GRID1: variants seen among roughly 807,000 people sequenced by gnomAD.
The protein encoded by GRID1 is glutamate receptor ionotropic, delta-1.
A neutral mutation model predicts 98.0 loss-of-function variants in GRID1; 28 were observed. That is an observed-to-expected ratio of 0.29 (90% CI 0.21 to 0.39). The LOEUF (loss-of-function observed/expected upper bound fraction) is 0.39, where lower values mean the gene tolerates loss of function less well. Ranked by LOEUF, GRID1 falls within the 10% of genes least tolerant of loss-of-function variation. The probability of loss-of-function intolerance (pLI) is 1.00; values close to 1 mark genes in which losing one functional copy is unlikely to be tolerated. For missense variants in GRID1, 1,111 were observed against 1,340.5 expected, an observed-to-expected ratio of 0.83 and a Z score of 2.67; for synonymous variants, 553 against 538.5, an observed-to-expected ratio of 1.03 and a Z score of -0.37.
intron 1 of GRID1, among the ~76,000 whole-genome samples, chr10:86,364,830 G>C (rs1199579775): frequency 6.6e-6 from 1 of 152,256 alleles, no homozygotes; most frequent in Admixed American, 6.5e-5. Flanking sequence ...CCCAGAAGGA[G>C]CTGCTCTTGA....
chr10:85,944,838 G>C (rs1448416924), intron 4 of GRID1, among the ~76,000 whole-genome samples: 2 of 151,582 alleles, frequency 1.3e-5, no homozygotes, highest in African/African-American at 4.8e-5. Flanking sequence ...TTTTAAGTAA[G>C]TTACAACGTA....
chr10:85,698,418 A>T (rs952161411), intron 12 of GRID1, among the ~76,000 whole-genome samples: 1 of 152,140 alleles, frequency 6.6e-6, no homozygotes, highest in African/African-American at 2.4e-5. Flanking sequence ...ATCCATACAT[A>T]TTTCTGTTTA....
Position 86,170,047 on chromosome 10 carries a change from G to A in GRID1, c.521-31023C>T, listed in dbSNP as rs908529560. ...GGACTCTCAGAAGACAGGCCTTTCC[G>A]CCCATCCTTAATGAAAAGCATTATC... On this transcript the variant is annotated intron_variant, in intron 3 of 15. Transcript: ENST00000327946. Among the ~76,000 whole-genome samples the A allele has an allele frequency of 4.6e-5, 7 of 152,152 alleles. 1 individual carries two copies. Among genetic ancestry groups the A allele is most frequent in the African/African-American group, 7.2e-5 (3 of 41,428 alleles).
intron 2 of GRID1, among the ~76,000 whole-genome samples, chr10:86,231,730 G>C (rs1163553068): frequency 6.6e-6 from 1 of 152,186 alleles, no homozygotes; most frequent in Non-Finnish European, 1.5e-5. Flanking sequence ...CACCACAGGA[G>C]TCATTAGACA....
At chr10:85,604,472 T>C (rs1009107965) in intron 15 of GRID1, among the ~76,000 whole-genome samples, 2 of 152,136 alleles carry the variant, frequency 1.3e-5, no homozygotes, top group Non-Finnish European at 2.9e-5. Context: ...ACTTCAGTGA[T>C]CTGAAGCCCA....
At chr10:85,854,402 T>A in intron 8 of GRID1, 94 bp downstream of exon 8, 1 of 1,117,308 alleles carries the variant, frequency 9.0e-7, no homozygotes, top group Non-Finnish European at 1.3e-6. Context: ...CTGTGCTAGT[T>A]AACAGTTGCT....
chr10:86,318,331 T>A lies in GRID1; in HGVS notation c.235+45610A>T, dbSNP rs558584457. On this transcript the variant is annotated intron_variant, in intron 2 of 15. Transcript: ENST00000327946. ...ATCGCATGTAACTCAGACCTAGTCATGGCCACTGCTGCCACACAGAAGCCA... is the reference window on the plus strand; with the variant it reads ...ATCGCATGTAACTCAGACCTAGTCAAGGCCACTGCTGCCACACAGAAGCCA... Among the ~76,000 whole-genome samples the A allele has an allele frequency of 4.8e-4, 73 of 152,348 alleles. 1 individual carries two copies. Among genetic ancestry groups the A allele is most frequent in the African/African-American group, 1.7e-3 (70 of 41,590 alleles).
Position 86,257,184 on chromosome 10 carries a change from T to A in GRID1, c.236-50536A>T, listed in dbSNP as rs1051084601. Reference sequence around the variant, plus strand: ...CGCAGAGTTGGATTTCAATGAGGTATTCACACAGTCCTCTCTGAGGTGGGC... The same window carrying A: ...CGCAGAGTTGGATTTCAATGAGGTAATCACACAGTCCTCTCTGAGGTGGGC... On this transcript the variant is annotated intron_variant, in intron 2 of 15. Coordinates refer to ENST00000327946, the MANE Select transcript of GRID1 (RefSeq NM_017551.3). Among the ~76,000 whole-genome samples, 4 of 152,246 alleles carry A rather than the reference T, an allele frequency of 2.6e-5. No individual in the cohort carries two copies. In the East Asian group the frequency reaches 7.7e-4, roughly 29 times the overall value.
At chr10:86,248,384 A>G (rs1177019062) in intron 2 of GRID1, among the ~76,000 whole-genome samples, 1 of 152,170 alleles carries the variant, frequency 6.6e-6, no homozygotes, top group Non-Finnish European at 1.5e-5. Flanking sequence ...GGGAGGGCGG[A>G]GGGATTGCAA....
chr10:85,715,526 A>C (rs1005284082), intron 12 of GRID1, among the ~76,000 whole-genome samples: 2 of 152,146 alleles, frequency 1.3e-5, no homozygotes, highest in Non-Finnish European at 2.9e-5. Context: ...CAAAACAAAT[A>C]GTTTAATTTA....
In GRID1 at chr10:86,242,201, G is replaced by T. The variant is rs147955899; in HGVS notation, c.236-35553C>A. ...ACTGAGCCTTTTGAAGGCAGAGCAA[G>T]ATTTACCAAGGAAAGAATAAGGTCA... On this transcript the variant is annotated intron_variant, in intron 2 of 15. Transcript: ENST00000327946. Among the ~76,000 whole-genome samples the T allele has an allele frequency of 4.7e-3, 710 of 152,346 alleles. 3 individuals are homozygous for T. Among genetic ancestry groups the T allele is most frequent in the Middle Eastern group, 0.02 (6 of 294 alleles).
intron 3 of GRID1, among the ~76,000 whole-genome samples, chr10:86,196,337 T>C (rs1001162356): frequency 5.9e-5 from 9 of 152,036 alleles, no homozygotes; most frequent in African/African-American, 1.4e-4. Context: ...AGCATTGTCC[T>C]GGGTACTGCG....
In GRID1 at chr10:86,283,260, C is replaced by T. The variant is rs377639917; in HGVS notation, c.236-76612G>A. 3.1e-4 allele frequency among the ~76,000 whole-genome samples: 47 copies of T among 152,330 alleles called. No individual in the cohort carries two copies. In the South Asian group the frequency reaches 8.1e-3, roughly 26 times the overall value. The stretch of plus-strand genomic sequence containing the variant: ...AGACTCTCCTCTGGAAAAGCCCAGC[C>T]CCCACACTATCCCTTCCTCTGTGCT... On this transcript the variant is annotated intron_variant, in intron 2 of 15. Coordinates refer to ENST00000327946, the MANE Select transcript of GRID1 (RefSeq NM_017551.3).
At chr10:85,727,820 G>T (rs373225787) in intron 10 of GRID1, 35 bp downstream of exon 10, 25 of 1,509,424 alleles carry the variant, frequency 1.7e-5, no homozygotes, top group South Asian at 1.5e-4. Flanking sequence ...GAAGACTAGG[G>T]TGCCCCTCCC....
intron 8 of GRID1, among the ~76,000 whole-genome samples, chr10:85,754,783 CT>C (rs374243526): frequency 1.3e-5 from 2 of 152,274 alleles, no homozygotes; most frequent in African/African-American, 4.8e-5. Flanking sequence ...AGTTCCTCCC[CT>C]TGCAGACTGT....
At chr10:86,196,028 G>A (rs1014711039) in intron 3 of GRID1, among the ~76,000 whole-genome samples, 5 of 152,040 alleles carry the variant, frequency 3.3e-5, no homozygotes, top group Admixed American at 6.6e-5. Context: ...ATCAGAAGAG[G>A]AAAACCCTAT....
At chr10:86,194,535 G>A (rs1845847006) in intron 3 of GRID1, among the ~76,000 whole-genome samples, 1 of 152,166 alleles carries the variant, frequency 6.6e-6, no homozygotes, top group African/African-American at 2.4e-5. Flanking sequence ...AGATAGGTGG[G>A]AGAGGGAGAA....
At chr10:86,269,917 G>A (rs11201960) in intron 2 of GRID1, among the ~76,000 whole-genome samples, 34,245 of 152,058 alleles carry the variant, frequency 0.23, 4,381 homozygotes, top group African/African-American at 0.35. Context: ...ACCCCCTGTA[G>A]GGAAGGGGTC....
intron 13 of GRID1, among the ~76,000 whole-genome samples, chr10:85,632,788 A>G (rs1025286887): frequency 6.6e-6 from 1 of 152,208 alleles, no homozygotes; most frequent in African/African-American, 2.4e-5. Context: ...TTACATAGGT[A>G]AACGTGTGCC....
Sources: gnomAD v4.1 joint callset for allele counts (sites outside exome capture counted in the v4.1 genomes callset) on GRCh38, gnomAD v4.1.1 for gene constraint, MANE v1.5 for transcripts, NCBI Gene and HGNC (gene_info 2026-07-23, HGNC 2026-07-21) for gene names.